TSPAN2: variants seen among roughly 807,000 people sequenced by gnomAD.
TSPAN2 encodes the protein tetraspanin 2.
TSPAN2 carries 24 observed loss-of-function variants against 33.3 expected under a neutral mutation model. That is an observed-to-expected ratio of 0.72 (90% CI 0.52 to 1.01). The LOEUF is 1.01. Ranked by LOEUF, TSPAN2 falls within the 50% of genes least tolerant of loss-of-function variation. TSPAN2 has a pLI of 0.00. For missense variants in TSPAN2, 278 were observed against 281.3 expected (o/e 0.99, Z 0.08); for synonymous variants, 114 against 104.5 (o/e 1.09, Z -0.56).
intron 7 of TSPAN2, among the ~76,000 whole-genome samples, chr1:115,051,825 C>G (rs17033068): frequency 0.032 from 4,801 of 152,220 alleles, 241 homozygotes; most frequent in African/African-American, 0.11. Context: ...CGGGCGACAC[C>G]CAATGCACTT....
At position 115,058,883 on chromosome 1, in the gene TSPAN2, T is replaced by C. The variant is rs140691516; in HGVS notation, c.444A>G (p.Thr148=). 456 of 1,608,644 alleles carry C rather than the reference T, an allele frequency of 2.8e-4. 3 individuals are homozygous for C. In the African/African-American group the frequency reaches 4.1e-3, roughly 14 times the overall value. ...TTAAGGAAGAAGTGAAGTTACTCAC[T>C]GTTGAGTGGAAGGTGATGAGTGTCC... ...GNGTLITFHS[T]FQCCGKESSE... The change falls in exon 5 of 8, where the codon ACA becomes ACG. Residue 148 remains threonine, a splice_region_variant and synonymous_variant. Transcript: ENST00000369516.
intron 5 of TSPAN2, among the ~76,000 whole-genome samples, 184 bp from the exon 6 acceptor site, chr1:115,057,792 A>G (rs951508779): frequency 3.9e-5 from 6 of 152,254 alleles, no homozygotes; most frequent in African/African-American, 1.2e-4. Flanking sequence ...CAAAACAAGA[A>G]AATGACTTCG....
chr1:115,072,813 C>A, intron 2 of TSPAN2, 92 bp downstream of exon 2: 1 of 1,129,162 alleles, frequency 8.9e-7, no homozygotes, highest in Non-Finnish European at 1.3e-6. Context: ...TGCCCTCCCC[C>A]TCCCACCAAA....
At chr1:115,088,244 G>A (rs1570989483) in intron 1 of TSPAN2, among the ~76,000 whole-genome samples, 1 of 152,154 alleles carries the variant, frequency 6.6e-6, no homozygotes, top group Admixed American at 6.5e-5. Context: ...GACAAAAGAG[G>A]AGCCCATCAT....
At chr1:115,074,154 A>G (rs1220392874) in intron 1 of TSPAN2, among the ~76,000 whole-genome samples, 1 of 152,198 alleles carries the variant, frequency 6.6e-6, no homozygotes, top group Non-Finnish European at 1.5e-5. Flanking sequence ...GCACACACAG[A>G]CGCTGGGAAC....
chr1:115,051,823 A>G (rs777847401), intron 7 of TSPAN2, among the ~76,000 whole-genome samples: 9 of 152,216 alleles, frequency 5.9e-5, no homozygotes, highest in Non-Finnish European at 1.0e-4. Flanking sequence ...CACGGGCGAC[A>G]CCCAATGCAC....
intron 1 of TSPAN2, among the ~76,000 whole-genome samples, chr1:115,079,409 C>T (rs1275772342): frequency 6.6e-6 from 1 of 152,120 alleles, no homozygotes; most frequent in Non-Finnish European, 1.5e-5. Flanking sequence ...TGATTGTAAA[C>T]CCCATTATGA....
intron 2 of TSPAN2, among the ~76,000 whole-genome samples, chr1:115,063,931 C>G (rs72697926): frequency 0.019 from 2,835 of 152,176 alleles, 36 homozygotes; most frequent in Non-Finnish European, 0.033. Flanking sequence ...GAAAAACTAA[C>G]TATTGGATAC....
chr1:115,072,096 A>C (rs183019250), intron 2 of TSPAN2, among the ~76,000 whole-genome samples: 195 of 152,298 alleles, frequency 1.3e-3, no homozygotes, highest in African/African-American at 4.6e-3. Flanking sequence ...CTAGAGTCTT[A>C]GTCCACTTAG....
chr1:115,073,955 G>A (rs1261301543), intron 1 of TSPAN2, among the ~76,000 whole-genome samples: 2 of 152,152 alleles, frequency 1.3e-5, no homozygotes, highest in South Asian at 2.1e-4. Flanking sequence ...CACCACTCTC[G>A]AATTTCACTG....
intron 2 of TSPAN2, among the ~76,000 whole-genome samples, chr1:115,071,516 C>T (rs971376695): frequency 1.3e-5 from 2 of 152,140 alleles, no homozygotes; most frequent in Non-Finnish European, 2.9e-5. Flanking sequence ...TCCCCATCTC[C>T]AGACTTCTTT....
In TSPAN2 at chr1:115,072,994, G is replaced by T. The variant is rs749600550; in HGVS notation, c.83C>A (p.Ala28Asp). Reference protein sequence around the residue: ...FNLLFWLAGSAVIAFGLWFRF... With the variant: ...FNLLFWLAGSDVIAFGLWFRF... Reference sequence around the variant, plus strand: ...AAACCATAGTCCAAAAGCAATGACGGCCGATCCAGCCAGCTGGAAGGCAAA... The same window carrying T: ...AAACCATAGTCCAAAAGCAATGACGTCCGATCCAGCCAGCTGGAAGGCAAA... Residue 28 changes from alanine to aspartate, a missense_variant, in exon 2 of 8, where the codon GCC becomes GAC. By Grantham distance (126) the Ala-to-Asp change is moderately radical. Coordinates refer to ENST00000369516, the MANE Select transcript of TSPAN2 (RefSeq NM_005725.6). 2 of 1,614,164 alleles carry T rather than the reference G, an allele frequency of 1.2e-6. No individual in the cohort carries two copies. Among genetic ancestry groups the T allele is most frequent in the Admixed American group, 3.3e-5 (2 of 60,024 alleles).
chr1:115,057,684 C>G, intron 5 of TSPAN2, 76 bp from the exon 6 acceptor site: 1 of 1,430,898 alleles, frequency 7.0e-7, no homozygotes, highest in Non-Finnish European at 9.8e-7. Flanking sequence ...CTGCTAAGGA[C>G]TGGGGTGCCG....
At chr1:115,060,917 C>T (rs1647693209) in intron 3 of TSPAN2, among the ~76,000 whole-genome samples, 1 of 152,064 alleles carries the variant, frequency 6.6e-6, no homozygotes, top group African/African-American at 2.4e-5. Flanking sequence ...CACAAAAGAC[C>T]TAGAAAGATA....
chr1:115,061,166 G>A (rs1285472502), intron 3 of TSPAN2, among the ~76,000 whole-genome samples: 1 of 152,226 alleles, frequency 6.6e-6, no homozygotes, highest in Non-Finnish European at 1.5e-5. Flanking sequence ...AAAGAAATAA[G>A]TCAGACATTT....
intron 1 of TSPAN2, among the ~76,000 whole-genome samples, chr1:115,086,549 T>C (rs901258673): frequency 6.6e-6 from 1 of 152,172 alleles, no homozygotes; most frequent in African/African-American, 2.4e-5. Flanking sequence ...CTTACTTAGA[T>C]CACATATAGA....
chr1:115,076,332 G>A (rs1254953067), intron 1 of TSPAN2, among the ~76,000 whole-genome samples: 1 of 152,078 alleles, frequency 6.6e-6, no homozygotes, highest in Non-Finnish European at 1.5e-5. Context: ...ACCATGACTC[G>A]GCTTCTACTT....
chr1:115,089,387 G>A lies in TSPAN2; in HGVS notation c.46C>T (p.Leu16Phe). Residue 16 changes from leucine (L) to phenylalanine (F), a missense_variant, in exon 1 of 8, where the codon CTT (leucine) becomes TTT (phenylalanine). Physicochemically the swap from Leu to Phe is conservative, Grantham distance 22. Coordinates refer to ENST00000369516, the MANE Select transcript of TSPAN2 (RefSeq NM_005725.6). ...GGLRCIKYLLLGFNLLFWLAG... is the reference protein window; with the variant it reads ...GGLRCIKYLLFGFNLLFWLAG... ...ACCCAGAAGAGCAGGTTGAAGCCAAGCAGCAGGTACTTGATGCACCGCAGG... is the reference window on the plus strand; with the variant it reads ...ACCCAGAAGAGCAGGTTGAAGCCAAACAGCAGGTACTTGATGCACCGCAGG... 3 of 1,596,350 alleles carry A rather than the reference G, an allele frequency of 1.9e-6. No individual in the cohort carries two copies. Among genetic ancestry groups the A allele is most frequent in the Non-Finnish European group, 1.7e-6 (2 of 1,172,842 alleles).
At chr1:115,073,631 G>T (rs1460763073) in intron 1 of TSPAN2, among the ~76,000 whole-genome samples, 1 of 151,964 alleles carries the variant, frequency 6.6e-6, no homozygotes, top group Non-Finnish European at 1.5e-5. Flanking sequence ...TGGTTTTGCT[G>T]GTAGGGAGAT....
Sources: allele counts gnomAD v4.1 joint callset (sites outside exome capture counted in the v4.1 genomes callset), GRCh38; gene constraint gnomAD v4.1.1; transcripts MANE v1.5; gene names NCBI Gene and HGNC (gene_info 2026-07-23, HGNC 2026-07-21).